DAB1: variants seen among roughly 807,000 people sequenced by gnomAD.
DAB1 encodes the protein disabled homolog 1.
In DAB1, 15 loss-of-function variants were observed where a neutral mutation model predicts 64.6. The ratio of observed to expected loss-of-function variants is 0.23; its 90% confidence interval spans 0.16 to 0.36. The LOEUF (loss-of-function observed/expected upper bound fraction) is 0.36. DAB1 is among the 10% of genes least tolerant of loss of function. DAB1 has a pLI of 1.00. For synonymous variants in DAB1, 235 were observed against 251.9 expected, an observed-to-expected ratio of 0.93 and a Z score of 0.64; for missense variants, 596 against 706.7, an observed-to-expected ratio of 0.84 and a Z score of 1.78.
chr1:58,260,802 T>C (rs1661031046), intron 4 of DAB1, among the ~76,000 whole-genome samples: 1 of 152,222 alleles, frequency 6.6e-6, no homozygotes, highest in Non-Finnish European at 1.5e-5. Flanking sequence ...AAGATTTCCG[T>C]GGGACTCAAC....
Position 58,321,008 on chromosome 1 carries a change from C to T in DAB1, n.309+22344G>A, listed in dbSNP as rs185808822. Reference sequence around the variant, plus strand: ...CCACCTGGCAGGCATGCCATAGTTCCAGCTCTGCCCAGGTGACTTAGCCCT... The same window carrying T: ...CCACCTGGCAGGCATGCCATAGTTCTAGCTCTGCCCAGGTGACTTAGCCCT... On this transcript the variant is annotated intron_variant and non_coding_transcript_variant, in intron 4 of 20. Coordinates refer to the DAB1 transcript ENST00000485760. Among the ~76,000 whole-genome samples, 19 of 152,354 alleles carry T rather than the reference C, an allele frequency of 1.2e-4. No homozygotes were observed. In the East Asian group the frequency reaches 2.7e-3, roughly 22 times the overall value.
intron 4 of DAB1, among the ~76,000 whole-genome samples, chr1:58,231,220 A>G (rs1659761743): frequency 1.3e-5 from 2 of 152,202 alleles, no homozygotes; most frequent in African/African-American, 4.8e-5. Context: ...CAGGATCACC[A>G]CTGATAAGTG....
intron 11 of DAB1, among the ~76,000 whole-genome samples, chr1:57,021,134 C>T (rs1451503361): frequency 6.6e-6 from 1 of 152,208 alleles, no homozygotes; most frequent in East Asian, 1.9e-4. Flanking sequence ...AAAGCAAAAA[C>T]ATGCTAATTG....
chr1:57,851,398 C>T (rs968845486), intron 1 of DAB1, among the ~76,000 whole-genome samples: 17 of 152,200 alleles, frequency 1.1e-4, no homozygotes, highest in African/African-American at 4.1e-4. Flanking sequence ...CACAAACCAG[C>T]AGTGAAAGCC....
At chr1:58,440,124 G>A (rs1644992089) in intron 3 of DAB1, among the ~76,000 whole-genome samples, 1 of 152,240 alleles carries the variant, frequency 6.6e-6, no homozygotes, top group Admixed American at 6.5e-5. Context: ...AGGAGTGGGA[G>A]GAGAAGAGAA....
intron 5 of DAB1, among the ~76,000 whole-genome samples, chr1:57,967,286 T>C (rs1645690941): frequency 6.6e-6 from 1 of 152,202 alleles, no homozygotes; most frequent in South Asian, 2.1e-4. Context: ...GTTACTTGGT[T>C]ACACTGTTAT....
intron 5 of DAB1, among the ~76,000 whole-genome samples, chr1:58,070,132 G>T (rs1433850988): frequency 1.3e-5 from 2 of 152,130 alleles, no homozygotes; most frequent in African/African-American, 4.8e-5. Context: ...ATTATTTGAT[G>T]ATCTGTCATC....
chr1:57,821,593 C>G (rs1395748951), downstream of DAB1, among the ~76,000 whole-genome samples: 2 of 152,170 alleles, frequency 1.3e-5, no homozygotes, highest in South Asian at 4.1e-4. Flanking sequence ...CCTGGGTTAT[C>G]AAGCTTACCT....
chr1:57,927,525 A>G (rs1258325262), intron 5 of DAB1, among the ~76,000 whole-genome samples: 4 of 152,190 alleles, frequency 2.6e-5, no homozygotes, highest in Non-Finnish European at 4.4e-5. Flanking sequence ...TAAAAAATCA[A>G]AAAAACAAAA....
chr1:57,255,459 C>T (rs143343599), intron 2 of DAB1, among the ~76,000 whole-genome samples: 1,815 of 152,082 alleles, frequency 0.012, 30 homozygotes, highest in Middle Eastern at 0.034. Context: ...CCCAGGAGTT[C>T]GAGACCAGCC....
Position 58,480,860 on chromosome 1 carries a change from G to C in DAB1, n.257+25200C>G, listed in dbSNP as rs1645467500. ...TCTGTAATGTACATGATTTGACCCT[G>C]AATATCCTTTTTTTTTTCACTTCAA... On this transcript the variant is annotated intron_variant and non_coding_transcript_variant, in intron 3 of 20. Coordinates refer to the DAB1 transcript ENST00000485760. The C allele has an allele frequency of 1.6e-5, 11 of 672,014 alleles. No homozygotes were observed. The South Asian group carries it at 2.3e-4, about 14-fold the overall frequency. The allele number at this position is 672,014 out of a possible 1,614,324, so 41.6% of individuals were successfully genotyped here.
chr1:57,214,780 G>A lies in DAB1; in HGVS notation c.68-69351C>T, dbSNP rs149211808. Among the ~76,000 whole-genome samples, 1,396 of 151,484 alleles carry A rather than the reference G, an allele frequency of 9.2e-3. 23 individuals carry two copies. The highest frequency in any genetic ancestry group is 0.031 in the African/African-American group (1,289 of 41,294). On this transcript the variant is annotated intron_variant, in intron 2 of 14. Transcript: ENST00000371236. ...AAAAATATTAGCCAGACGTGGTGGC[G>A]GGCACCTGTAGTCCCAGCTACTCAG...
At chr1:57,426,066 T>C (rs1405571201), upstream of DAB1, among the ~76,000 whole-genome samples, 1 of 152,182 alleles carries the variant, frequency 6.6e-6, no homozygotes, top group Non-Finnish European at 1.5e-5. Flanking sequence ...TAAATTCTCA[T>C]TGACTGCCAA....
chr1:57,294,187 G>C (rs757241850), intron 1 of DAB1, among the ~76,000 whole-genome samples: 1 of 152,196 alleles, frequency 6.6e-6, no homozygotes, highest in Non-Finnish European at 1.5e-5. Flanking sequence ...ATTTTCCCCA[G>C]TAAAGGCTGT....
At chr1:57,716,056 C>T (rs1647080309) in intron 6 of DAB1, among the ~76,000 whole-genome samples, 1 of 152,112 alleles carries the variant, frequency 6.6e-6, no homozygotes, top group East Asian at 1.9e-4. Flanking sequence ...ATTACAGGCA[C>T]CTGCCACCAC....
At chr1:58,009,962 T>C (rs1646643911) in intron 5 of DAB1, among the ~76,000 whole-genome samples, 1 of 152,200 alleles carries the variant, frequency 6.6e-6, no homozygotes, top group Admixed American at 6.5e-5. Flanking sequence ...AACAACCCTA[T>C]GAAGTATGCA....
At chr1:57,321,638 G>A (rs538603766) in intron 1 of DAB1, among the ~76,000 whole-genome samples, 1 of 152,262 alleles carries the variant, frequency 6.6e-6, no homozygotes, top group Admixed American at 6.5e-5. Flanking sequence ...AAAAGATTAT[G>A]GGTTTTGAGT....
chr1:58,033,803 T>C (rs1269633207), intron 5 of DAB1, among the ~76,000 whole-genome samples: 3 of 152,242 alleles, frequency 2.0e-5, no homozygotes, highest in Non-Finnish European at 4.4e-5. Flanking sequence ...ATTGTTCCTC[T>C]ACACTTAGAA....
intron 5 of DAB1, among the ~76,000 whole-genome samples, chr1:58,068,925 C>G (rs1012869542): frequency 6.6e-6 from 1 of 152,186 alleles, no homozygotes; most frequent in African/African-American, 2.4e-5. Flanking sequence ...GTGTGACACA[C>G]AACACCACAG....
Sources: allele counts gnomAD v4.1 joint callset (sites outside exome capture counted in the v4.1 genomes callset), GRCh38; gene constraint gnomAD v4.1.1; transcripts MANE v1.5; gene names NCBI Gene and HGNC (gene_info 2026-07-23, HGNC 2026-07-21).